The following GRM7 variants were observed in gnomAD, a reference collection of about 807,000 sequenced individuals.
GRM7 encodes glutamate metabotropic receptor 7.
A neutral mutation model predicts 84.5 loss-of-function variants in GRM7; 35 were observed. The ratio of observed to expected loss-of-function variants is 0.41; its 90% confidence interval spans 0.32 to 0.55. The LOEUF (loss-of-function observed/expected upper bound fraction) is 0.55, where lower values mean the gene tolerates loss of function less well. GRM7 is among the 20% of genes least tolerant of loss of function. GRM7 has a pLI of 0.19. For missense variants in GRM7, 1,003 were observed against 1,194.6 expected, an observed-to-expected ratio of 0.84 and a Z score of 2.36; for synonymous variants, 487 against 455.1, an observed-to-expected ratio of 1.07 and a Z score of -0.89.
Position 7,671,208 on chromosome 3 carries a change from T to C in GRM7, c.2452-8841T>C, listed in dbSNP as rs1287842230. 2.0e-5 allele frequency among the ~76,000 whole-genome samples: 3 copies of C among 152,258 alleles called. No homozygotes were observed. In the East Asian group the frequency reaches 5.8e-4, roughly 29 times the overall value. On this transcript the variant is annotated intron_variant, in intron 8 of 9. Coordinates refer to ENST00000357716, the MANE Select transcript of GRM7 (RefSeq NM_000844.4). ...TGAATGTGTAGGCTGTGCTTGCACATGCCCAGCAAAATCAGTAGTGACTTT... is the reference window on the plus strand; with the variant it reads ...TGAATGTGTAGGCTGTGCTTGCACACGCCCAGCAAAATCAGTAGTGACTTT...
At chr3:7,481,910 G>T (rs916508622) in intron 7 of GRM7, among the ~76,000 whole-genome samples, 1 of 152,160 alleles carries the variant, frequency 6.6e-6, no homozygotes, top group East Asian at 1.9e-4. Context: ...TATTTCAGCC[G>T]GGTGCAGTGA....
chr3:7,648,424 A>G (rs1183092193), intron 8 of GRM7, among the ~76,000 whole-genome samples: 1 of 152,002 alleles, frequency 6.6e-6, no homozygotes, highest in African/African-American at 2.4e-5. Flanking sequence ...AGGCGGGCGG[A>G]TCACCTGAGG....
intron 2 of GRM7, among the ~76,000 whole-genome samples, chr3:7,231,352 T>G (rs1697191728): frequency 6.6e-6 from 1 of 152,190 alleles, no homozygotes; most frequent in African/African-American, 2.4e-5. Flanking sequence ...TAAATATGTT[T>G]CTTTGAAATT....
chr3:7,216,193 G>A lies in GRM7; in HGVS notation c.736+69525G>A, dbSNP rs149696156. 3.1e-3 allele frequency among the ~76,000 whole-genome samples: 471 copies of A among 152,204 alleles called. 1 individual carries two copies. The highest frequency in any genetic ancestry group is 4.7e-3 in the Non-Finnish European group (319 of 67,994). On this transcript the variant is annotated intron_variant, in intron 2 of 9. Coordinates refer to ENST00000357716, the MANE Select transcript of GRM7 (RefSeq NM_000844.4). ...CACTTCAGTAGGAATATGCCTAATT[G>A]AACAGGTGACTTTATGCCTGTATTT...
chr3:7,579,436 T>C, intron 8 of GRM7, 79 bp downstream of exon 8: 1 of 824,024 alleles, frequency 1.2e-6, no homozygotes, highest in Non-Finnish European at 1.9e-6. Context: ...ATTGATTGTA[T>C]AAAGTAAGAA....
intron 2 of GRM7, among the ~76,000 whole-genome samples, chr3:7,189,004 C>T (rs115078617): frequency 0.01 from 1,539 of 152,266 alleles, 17 homozygotes; most frequent in African/African-American, 0.027. Context: ...GAGTGGTCTC[C>T]GACCTGTTGC....
At chr3:7,107,861 T>C (rs1227390504) in intron 1 of GRM7, among the ~76,000 whole-genome samples, 6 of 152,030 alleles carry the variant, frequency 3.9e-5, no homozygotes, top group Non-Finnish European at 8.8e-5. Flanking sequence ...TTTAGTATCC[T>C]GGTTTAAGAG....
At position 7,478,680 on chromosome 3, in the gene GRM7, T is replaced by C. The variant is rs144963972; in HGVS notation, c.1515+16958T>C. 7.7e-3 allele frequency among the ~76,000 whole-genome samples: 1,163 copies of C among 151,816 alleles called. 8 individuals are homozygous for C. Among genetic ancestry groups the C allele is most frequent in the African/African-American group, 0.027 (1,117 of 41,240 alleles). Reference sequence around the variant, plus strand: ...AGGCCATGGGCATCCCAGGGAAAGGTTGGGTATGTAGAACAGTAGGGAACA... The same window carrying C: ...AGGCCATGGGCATCCCAGGGAAAGGCTGGGTATGTAGAACAGTAGGGAACA... On this transcript the variant is annotated intron_variant, in intron 7 of 9. Transcript: ENST00000357716.
At chr3:7,481,810 C>T (rs1475903063) in intron 7 of GRM7, among the ~76,000 whole-genome samples, 3 of 152,182 alleles carry the variant, frequency 2.0e-5, no homozygotes, top group Non-Finnish European at 2.9e-5. Flanking sequence ...CTGTCCTCAA[C>T]GATGCAAACT....
intron 7 of GRM7, among the ~76,000 whole-genome samples, chr3:7,498,662 G>C (rs1308601557): frequency 6.6e-6 from 1 of 152,182 alleles, no homozygotes; most frequent in Non-Finnish European, 1.5e-5. Flanking sequence ...TAGATTCTCA[G>C]TGTTTTTAAC....
At chr3:7,358,988 A>G (rs1432178037) in intron 4 of GRM7, among the ~76,000 whole-genome samples, 2 of 129,216 alleles carry the variant, frequency 1.5e-5, no homozygotes, top group Admixed American at 1.5e-4. Context: ...GCGAGGTGGC[A>G]CAAGCCTATA....
At chr3:7,387,144 T>A (rs1041343154) in intron 4 of GRM7, among the ~76,000 whole-genome samples, 3 of 152,220 alleles carry the variant, frequency 2.0e-5, no homozygotes, top group Non-Finnish European at 2.9e-5. Flanking sequence ...TATTTGTTTT[T>A]TTCTTGTTGA....
intron 8 of GRM7, among the ~76,000 whole-genome samples, chr3:7,645,006 C>T (rs1698554925): frequency 1.3e-5 from 2 of 151,928 alleles, no homozygotes; most frequent in South Asian, 2.1e-4. Flanking sequence ...CTGCAGATGC[C>T]CTTTCAGCTT....
intron 8 of GRM7, among the ~76,000 whole-genome samples, chr3:7,649,080 T>C (rs111641636): frequency 6.6e-6 from 1 of 151,860 alleles, no homozygotes; most frequent in African/African-American, 2.4e-5. Context: ...TTTTCTTTTT[T>C]TTTTTTTGAG....
intron 1 of GRM7, among the ~76,000 whole-genome samples, chr3:6,895,867 T>C (rs549405580): frequency 2.8e-4 from 42 of 152,094 alleles, no homozygotes; most frequent in Non-Finnish European, 5.4e-4. Context: ...AGATTGCCCA[T>C]TGAGTAAAAA....
chr3:6,906,053 G>A (rs1211056959), intron 1 of GRM7, among the ~76,000 whole-genome samples: 30 of 152,192 alleles, frequency 2.0e-4, no homozygotes, highest in Admixed American at 1.9e-3. Context: ...ACAATTTGGG[G>A]TGGGTTCAAC....
intron 4 of GRM7, among the ~76,000 whole-genome samples, chr3:7,402,389 C>T (rs771661800): frequency 3.9e-5 from 6 of 152,166 alleles, no homozygotes; most frequent in Non-Finnish European, 5.9e-5. Flanking sequence ...ATTACTGCAC[C>T]TAATGCAATG....
At chr3:7,256,208 T>C (rs560544085) in intron 2 of GRM7, among the ~76,000 whole-genome samples, 4 of 152,272 alleles carry the variant, frequency 2.6e-5, no homozygotes, top group African/African-American at 9.6e-5. Flanking sequence ...ACATAACACT[T>C]ACTACCCTAG....
chr3:7,161,391 G>A (rs759730193), intron 2 of GRM7, among the ~76,000 whole-genome samples: 7 of 148,520 alleles, frequency 4.7e-5, no homozygotes, highest in Non-Finnish European at 8.9e-5. Context: ...TAACTCTTAC[G>A]TGAAATAACA....
Sources: gnomAD v4.1 joint callset for allele counts (sites outside exome capture counted in the v4.1 genomes callset) on GRCh38, gnomAD v4.1.1 for gene constraint, MANE v1.5 for transcripts, NCBI Gene and HGNC (gene_info 2026-07-23, HGNC 2026-07-21) for gene names.